MUSK: variants seen among roughly 807,000 people sequenced by gnomAD.
MUSK encodes the protein muscle associated receptor tyrosine kinase, also known as muscle, skeletal receptor tyrosine-protein kinase.
In MUSK, 55 loss-of-function variants were observed where a neutral mutation model predicts 88.7. The ratio of observed to expected loss-of-function variants is 0.62; its 90% CI spans 0.50 to 0.78. The LOEUF (loss-of-function observed/expected upper bound fraction) is 0.78, where lower values mean the gene tolerates loss of function less well. MUSK is among the 30% of genes least tolerant of loss of function. MUSK has a pLI of 0.00. For synonymous variants in MUSK, 387 were observed against 391.9 expected, an observed-to-expected ratio of 0.99 and a Z score of 0.15; for missense variants, 1,015 against 1,074.3, an observed-to-expected ratio of 0.94 and a Z score of 0.77.
chr9:110,670,800 T>C (rs1020004679), intron 1 of MUSK, among the ~76,000 whole-genome samples: 1 of 152,122 alleles, frequency 6.6e-6, no homozygotes, highest in African/African-American at 2.4e-5. Flanking sequence ...AGTATGAGTT[T>C]AACATCACTC....
intron 14 of MUSK, among the ~76,000 whole-genome samples, chr9:110,799,861 T>G (rs950138517): frequency 1.3e-5 from 2 of 152,066 alleles, no homozygotes; most frequent in African/African-American, 4.8e-5. Context: ...ATAAACTGAA[T>G]CTTAAAGGCA....
chr9:110,804,286 A>C lies in MUSK; in HGVS notation c.*3298A>C, dbSNP rs549631170. Among the ~76,000 whole-genome samples, 1 of 152,258 alleles carries C rather than the reference A, an allele frequency of 6.6e-6. No homozygotes were observed. Among genetic ancestry groups the C allele is most frequent in the South Asian group, 2.1e-4 (1 of 4,826 alleles). On this transcript the variant is annotated 3_prime_UTR_variant, in exon 15 of 15. Coordinates refer to ENST00000374448, the MANE Select transcript of MUSK (RefSeq NM_005592.4). ...TTTTTATGAAAATTCAGAGAAAGGA[A>C]ATGTCTGGACCAAATGGCATGTACA...
intron 5 of MUSK, among the ~76,000 whole-genome samples, chr9:110,707,485 C>A (rs920023652): frequency 2.0e-5 from 3 of 152,128 alleles, no homozygotes; most frequent in Non-Finnish European, 4.4e-5. Flanking sequence ...TATATAGAAA[C>A]TGGCTGAATG....
At chr9:110,677,050 C>T (rs546854051) in intron 1 of MUSK, among the ~76,000 whole-genome samples, 2 of 152,222 alleles carry the variant, frequency 1.3e-5, no homozygotes, top group Non-Finnish European at 2.9e-5. Flanking sequence ...GTGGTTAACC[C>T]GTCTTTCTTC....
At chr9:110,695,972 GACTCAT>G (rs1436762582) in intron 4 of MUSK, among the ~76,000 whole-genome samples, 1 of 152,130 alleles carries the variant, frequency 6.6e-6, no homozygotes, top group Non-Finnish European at 1.5e-5. Context: ...AAAGACTCAA[GACTCAT>G]ACACAAATAC....
At chr9:110,716,283 T>C (rs910326757) in intron 5 of MUSK, among the ~76,000 whole-genome samples, 1 of 150,172 alleles carries the variant, frequency 6.7e-6, no homozygotes, top group Middle Eastern at 3.2e-3. Flanking sequence ...CAGAGTGGTT[T>C]ATATAATTGG....
At chr9:110,719,798 A>G (rs548198303) in intron 5 of MUSK, among the ~76,000 whole-genome samples, 2 of 152,148 alleles carry the variant, frequency 1.3e-5, no homozygotes, top group Non-Finnish European at 2.9e-5. Flanking sequence ...CATTGTAATC[A>G]TCAGCACATG....
chr9:110,739,467 C>G (rs2077070760), intron 6 of MUSK, among the ~76,000 whole-genome samples: 1 of 152,062 alleles, frequency 6.6e-6, no homozygotes, highest in Admixed American at 6.6e-5. Context: ...AGTTTCCAGC[C>G]CCTCCAAAGG....
rs1188402046 is a variant in MUSK, at chr9:110,695,488, C to A, written c.444C>A (p.Pro148=). The A allele has an allele frequency of 6.4e-7, 1 of 1,566,790 alleles. No homozygotes were observed. The part of the protein sequence containing the change: ...AVLPCTTMGN[P]KPSVSWIKGD... ...TACCATGTACTACAATGGGTAATCC[C>A]AAACCATCAGTGTCTTGGATAAAGG... Residue 148 remains proline (P), a synonymous_variant, in exon 4 of 15, where the codon CCC becomes CCA. Coordinates refer to ENST00000374448, the MANE Select transcript of MUSK (RefSeq NM_005592.4).
At chr9:110,727,914 A>G (rs2076909152) in intron 5 of MUSK, among the ~76,000 whole-genome samples, 1 of 152,154 alleles carries the variant, frequency 6.6e-6, no homozygotes, top group South Asian at 2.1e-4. Flanking sequence ...ATAAAACTTC[A>G]GGAAAGAAAA....
At chr9:110,771,158 CTTCTT>C (rs2077566995) in intron 9 of MUSK, among the ~76,000 whole-genome samples, 1 of 83,444 alleles carries the variant, frequency 1.2e-5, no homozygotes, top group African/African-American at 5.3e-5. Context: ...TGCTCATTTC[CTTCTT>C]TTTTTTTTTT....
chr9:110,771,158 CTTCTTTTTTTTT>C (rs1342990575), intron 9 of MUSK, among the ~76,000 whole-genome samples: 1 of 83,444 alleles, frequency 1.2e-5, no homozygotes, highest in Non-Finnish European at 2.3e-5. Flanking sequence ...TGCTCATTTC[CTTCTTTTTTTTT>C]TTTTTTTTTT....
At position 110,800,695 on chromosome 9, in the gene MUSK, T is replaced by C. The variant is rs1274778340; in HGVS notation, c.2317T>C (p.Ser773Pro). Residue 773 changes from serine to proline, a missense_variant, in exon 15 of 15, where the codon TCC (serine) becomes CCC (proline). Transcript: ENST00000374448. The part of the protein sequence containing the change: ...AIPIRWMPPE[S>P]IFYNRYTTES... ...CCCTATCCGTTGGATGCCACCAGAG[T>C]CCATTTTTTATAACCGCTACACTAC... The C allele has an allele frequency of 1.2e-6, 2 of 1,613,748 alleles. No homozygotes were observed. Among genetic ancestry groups the C allele is most frequent in the Non-Finnish European group, 1.7e-6 (2 of 1,179,852 alleles).
At chr9:110,689,949 A>AATATAAT (rs1221468618) in intron 3 of MUSK, among the ~76,000 whole-genome samples, 16 of 90,396 alleles carry the variant, frequency 1.8e-4, no homozygotes, top group Admixed American at 7.5e-4. Flanking sequence ...TATATATTTA[A>AATATAAT]ATATAAATAT....
chr9:110,698,399 A>C (rs2076460205), intron 5 of MUSK, among the ~76,000 whole-genome samples: 1 of 152,208 alleles, frequency 6.6e-6, no homozygotes, highest in Non-Finnish European at 1.5e-5. Flanking sequence ...TAAGTGTTAG[A>C]GTATCACATA....
intron 14 of MUSK, among the ~76,000 whole-genome samples, chr9:110,796,860 G>T (rs1384300637): frequency 4.4e-4 from 4 of 9,162 alleles, no homozygotes; most frequent in Admixed American, 2.1e-3. Context: ...GTAAACTATC[G>T]CAAGAACAAA....
At chr9:110,747,279 C>T (rs3824468) in intron 6 of MUSK, among the ~76,000 whole-genome samples, 9 of 152,260 alleles carry the variant, frequency 5.9e-5, no homozygotes, top group East Asian at 1.9e-4. Flanking sequence ...AGGGGATAAA[C>T]GGGCCAGGTG....
At chr9:110,748,075 T>A (rs2077198847) in intron 7 of MUSK, 1 of 571,364 alleles carries the variant, frequency 1.8e-6, no homozygotes, top group Non-Finnish European at 3.3e-6. Context: ...TTTTCTTATC[T>A]TTTTTCCTTT....
chr9:110,708,867 T>C (rs1311237244), intron 5 of MUSK, among the ~76,000 whole-genome samples: 1 of 152,230 alleles, frequency 6.6e-6, no homozygotes, highest in African/African-American at 2.4e-5. Flanking sequence ...TTAAATTGTT[T>C]AGTATAATGT....
Sources: allele counts gnomAD v4.1 joint callset (sites outside exome capture counted in the v4.1 genomes callset), GRCh38; gene constraint gnomAD v4.1.1; transcripts MANE v1.5; gene names NCBI Gene and HGNC (gene_info 2026-07-23, HGNC 2026-07-21).